Variants in TADA2A observed in about 807,000 individuals in gnomAD.
The protein encoded by TADA2A is transcriptional adaptor 2A.
Under a neutral mutation model 67.4 loss-of-function variants are expected in TADA2A, and 38 were observed. That is an observed-to-expected ratio of 0.56 (90% CI 0.44 to 0.74). The LOEUF is 0.74. TADA2A is among the 30% of genes least tolerant of loss of function. The pLI is 0.00. For missense variants in TADA2A, 454 were observed against 547.0 expected, an observed-to-expected ratio of 0.83 and a Z score of 1.70; for synonymous variants, 192 against 181.6, an observed-to-expected ratio of 1.06 and a Z score of -0.46.
Position 37,455,396 on chromosome 17 carries a change from T to G in TADA2A, c.605-3128T>G, listed in dbSNP as rs192847385. Among the ~76,000 whole-genome samples the G allele has an allele frequency of 3.0e-3, 450 of 149,512 alleles. 1 individual carries two copies. The highest frequency in any genetic ancestry group is 4.5e-3 in the Non-Finnish European group (305 of 67,360). ...TGTTTGTTTGTTTGTTTGTTTGTTT[T>G]TTTGAGACGGAGTCTCACTCTGTCG... On this transcript the variant is annotated intron_variant, in intron 8 of 15. Transcript: ENST00000615182.
intron 14 of TADA2A, among the ~76,000 whole-genome samples, chr17:37,473,173 A>C (rs2053827660): frequency 8.2e-6 from 1 of 122,526 alleles, no homozygotes; most frequent in Non-Finnish European, 1.6e-5. Context: ...AGGTCTTACT[A>C]TATCACCCAG....
intron 12 of TADA2A, 77 bp from the exon 13 acceptor site, chr17:37,470,323 C>CTTTTT: frequency 6.4e-7 from 1 of 1,560,732 alleles, no homozygotes; most frequent in South Asian, 1.2e-5. Flanking sequence ...AACCCAAAAC[C>CTTTTT]GGTTTCTTGG....
intron 2 of TADA2A, among the ~76,000 whole-genome samples, chr17:37,416,749 C>T (rs528792902): frequency 6.6e-6 from 1 of 151,926 alleles, no homozygotes; most frequent in African/African-American, 2.4e-5. Flanking sequence ...CCTATAGTCC[C>T]AACTACTTGA....
At chr17:37,408,659 GT>G (rs2147886773) in intron 1 of TADA2A, 1 of 152,348 alleles carries the variant, frequency 6.6e-6, no homozygotes, top group South Asian at 2.1e-4. Flanking sequence ...CCCCAAAAGT[GT>G]GGGAGTGAGG....
At chr17:37,476,140 A>T (rs764485773) in intron 15 of TADA2A, among the ~76,000 whole-genome samples, 3 of 152,202 alleles carry the variant, frequency 2.0e-5, no homozygotes, top group Non-Finnish European at 4.4e-5. Flanking sequence ...GAAGGAGGTC[A>T]TAGGTCAGCC....
intron 8 of TADA2A, among the ~76,000 whole-genome samples, chr17:37,452,034 T>G (rs539426251): frequency 6.6e-6 from 1 of 152,220 alleles, no homozygotes; most frequent in African/African-American, 2.4e-5. Context: ...GCAGTAATTT[T>G]ACTGGCTCTT....
In TADA2A at chr17:37,457,491, CTTTTT is replaced by C. The variant is rs71135729; in HGVS notation, c.605-1013_605-1009del. Among the ~76,000 whole-genome samples, 27 of 72,408 alleles carry C rather than the reference CTTTTT, an allele frequency of 3.7e-4. No individual in the cohort carries two copies. In the East Asian group the frequency reaches 9.0e-3, roughly 24 times the overall value. The allele number at this position is 72,408 out of a possible 152,430, so 47.5% of individuals were successfully genotyped here. On this transcript the variant is annotated intron_variant, in intron 8 of 15. Transcript: ENST00000615182. Reference sequence around the variant, plus strand: ...CCACTGTGCCCAACCAACATTAATTCTTTTTTTTTTTTTTTTTTTTTTTTGAGACG... The same window carrying C: ...CCACTGTGCCCAACCAACATTAATTCTTTTTTTTTTTTTTTTTTTGAGACG...
intron 14 of TADA2A, 78 bp downstream of exon 14, chr17:37,471,215 C>T: frequency 6.9e-7 from 1 of 1,455,256 alleles, no homozygotes; most frequent in Non-Finnish European, 9.6e-7. Context: ...AGCAATCTTC[C>T]TTCCTCTGTG....
At position 37,411,322 on chromosome 17, in the gene TADA2A, C is replaced by G. The variant is rs186419906; in HGVS notation, c.-44C>G. 3.7e-6 allele frequency: 6 copies of G among 1,610,304 alleles called. No individual in the cohort carries two copies. In the Admixed American group the frequency reaches 1.0e-4, roughly 27 times the overall value. ...GGCCGGTTCTGAAGTCTTGAAGAAG[C>G]TCTGCTGAGGAAGACCAAAGCAGCA... On this transcript the variant is annotated 5_prime_UTR_variant, in exon 2 of 16. Transcript: ENST00000615182.
chr17:37,410,591 A>G (rs143409006), intron 1 of TADA2A, among the ~76,000 whole-genome samples: 1 of 152,182 alleles, frequency 6.6e-6, no homozygotes, highest in Non-Finnish European at 1.5e-5. Flanking sequence ...AGTTTATTAA[A>G]GTTTATTAAA....
At chr17:37,410,323 C>T (rs1231933135) in intron 1 of TADA2A, among the ~76,000 whole-genome samples, 2 of 149,994 alleles carry the variant, frequency 1.3e-5, no homozygotes. Context: ...TAAGCATGGG[C>T]CACTGTACCC....
intron 2 of TADA2A, among the ~76,000 whole-genome samples, chr17:37,420,598 G>T (rs1427119732): frequency 6.9e-6 from 1 of 145,490 alleles, no homozygotes; most frequent in South Asian, 2.3e-4. Flanking sequence ...TCGCCATGCT[G>T]GTCAGGTTAG....
rs1371098194 is a variant in TADA2A at position 37,406,943 on chromosome 17, C to T, written c.-104C>T. On this transcript the variant is annotated 5_prime_UTR_variant, in exon 1 of 16. Transcript: ENST00000615182. ...CTCTTTGGCGCGGATTAGGGGGTCT[C>T]GGCGAGGTGAGGCGCCAGGCAGCGC... The T allele has an allele frequency of 1.1e-5, 1 of 90,674 alleles. No homozygotes were observed. Among genetic ancestry groups the T allele is most frequent in the Non-Finnish European group, 2.2e-5 (1 of 45,906 alleles). The allele number at this position is 90,674 out of a possible 1,614,324, so 5.6% of individuals were successfully genotyped here.
intron 10 of TADA2A, among the ~76,000 whole-genome samples, chr17:37,462,994 A>T (rs1407490880): frequency 6.6e-6 from 1 of 152,064 alleles, no homozygotes; most frequent in East Asian, 1.9e-4. Flanking sequence ...TTTTTAAGAG[A>T]CAGGTTCTTG....
At position 37,467,020 on chromosome 17, in the gene TADA2A, G is replaced by C. The variant is rs540062406; in HGVS notation, c.824-434G>C. ...AAAAATACAAAAATTAGCCGGGTGT[G>C]GTGGTAGATGCCTGTAATCCCAGCT... On this transcript the variant is annotated intron_variant, in intron 11 of 15. Coordinates refer to ENST00000615182, the MANE Select transcript of TADA2A (RefSeq NM_001166105.3). 2.6e-5 allele frequency among the ~76,000 whole-genome samples: 4 copies of C among 152,252 alleles called. No individual in the cohort carries two copies. In the East Asian group the frequency reaches 7.7e-4, roughly 29 times the overall value.
rs549081759 is a variant in TADA2A, at chr17:37,474,552, A to T, written c.1073-4A>T. ...TCTATGCTGTTTCCTTTCTCTGTCT[A>T]TAGGTAGACGGAGTGCACCACCCTT... On this transcript the variant is annotated splice_region_variant and splice_polypyrimidine_tract_variant and intron_variant, in intron 14 of 15. Coordinates refer to ENST00000615182, the MANE Select transcript of TADA2A (RefSeq NM_001166105.3). 1 of 1,613,344 alleles carries T rather than the reference A, an allele frequency of 6.2e-7. No individual in the cohort carries two copies. Among genetic ancestry groups the T allele is most frequent in the South Asian group, 1.1e-5 (1 of 90,788 alleles).
At chr17:37,431,735 C>A (rs853226) in intron 4 of TADA2A, among the ~76,000 whole-genome samples, 1 of 151,752 alleles carries the variant, frequency 6.6e-6, no homozygotes, top group African/African-American at 2.4e-5. Context: ...CCACCGTGCC[C>A]GGCTAATTTT....
chr17:37,410,277 AG>A (rs1003577885), intron 1 of TADA2A, among the ~76,000 whole-genome samples: 3 of 151,672 alleles, frequency 2.0e-5, no homozygotes, highest in Non-Finnish European at 2.9e-5. Context: ...CCTAGGCCCA[AG>A]CGTTCCACCT....
chr17:37,455,174 A>T (rs972018014), intron 8 of TADA2A, among the ~76,000 whole-genome samples: 1 of 152,152 alleles, frequency 6.6e-6, no homozygotes, highest in Non-Finnish European at 1.5e-5. Context: ...CAATCATTCA[A>T]TCTCAAGGTG....
Sources: gnomAD v4.1 joint callset for allele counts (sites outside exome capture counted in the v4.1 genomes callset) on GRCh38, gnomAD v4.1.1 for gene constraint, MANE v1.5 for transcripts, NCBI Gene and HGNC (gene_info 2026-07-23, HGNC 2026-07-21) for gene names.